CDK16: variants seen among roughly 807,000 people sequenced by gnomAD.
CDK16 encodes the protein cyclin-dependent kinase 16.
A neutral mutation model predicts 41.6 loss-of-function variants in CDK16; 2 were observed. The ratio of observed to expected loss-of-function variants is 0.05; its 90% confidence interval spans 0.02 to 0.15. CDK16 has a LOEUF of 0.15. CDK16 is among the 10% of genes least tolerant of loss of function. The pLI, the probability that CDK16 is intolerant of heterozygous loss-of-function variation, is 1.00. For synonymous variants in CDK16, 169 were observed against 169.7 expected (o/e 1.00, Z 0.03); for missense variants, 228 against 428.9 (o/e 0.53, Z 4.14).
upstream of CDK16, chrX:47,218,453 T>C (rs904130371): frequency 3.9e-6 from 2 of 517,702 alleles, no homozygotes; most frequent in Admixed American, 8.6e-5. Context: ...TGAGACCGAG[T>C]AGGGGGAACG....
chrX:47,224,658 T>G lies in CDK16; in HGVS notation c.377T>G (p.Leu126Arg). Residue 126 changes from leucine to arginine, a missense_variant, in exon 4 of 16, where the codon CTG becomes CGG. Physicochemically the swap from Leu to Arg is moderately radical, Grantham distance 102. Around this residue, in one of 3 missense-constraint regions of CDK16, gnomAD observed 66 missense variants for 197.2 expected, o/e 0.33. Transcript: ENST00000357227. Reference protein sequence around the residue: ...KRLSLPADIRLPEGYLEKLTL... With the variant: ...KRLSLPADIRRPEGYLEKLTL... The stretch of plus-strand genomic sequence containing the variant: ...CTATCACTACCAGCTGACATCCGGC[T>G]GCCTGAGGGCTACCTGGAGAAGCTG... 1 of 1,211,780 alleles carries G rather than the reference T, an allele frequency of 8.3e-7. No homozygotes were observed. Among genetic ancestry groups the G allele is most frequent in the Non-Finnish European group, 1.1e-6 (1 of 895,467 alleles).
In CDK16 at chrX:47,219,050, C is replaced by G; in HGVS notation, c.-62C>G. Reference sequence around the variant, plus strand: ...GCGCGGCCTCATCCCGGGCCGCCGCCCCAGGCGCCGCCGCGCCGGCCCCGC... The same window carrying G: ...GCGCGGCCTCATCCCGGGCCGCCGCGCCAGGCGCCGCCGCGCCGGCCCCGC... On this transcript the variant is annotated 5_prime_UTR_variant, in exon 1 of 16. Transcript: ENST00000357227. 1.2e-6 allele frequency: 1 copy of G among 823,191 alleles called. No homozygotes were observed. The highest frequency in any genetic ancestry group is 1.5e-6 in the Non-Finnish European group (1 of 685,701). The allele number at this position is 823,191 out of a possible 1,213,427, so 67.8% of individuals were successfully genotyped here.
intron 1 of CDK16, chrX:47,223,156 C>G (rs1260639267): frequency 8.7e-7 from 1 of 1,155,416 alleles, no homozygotes; most frequent in African/African-American, 1.8e-5. Context: ...GGGCACACGC[C>G]CTGGCCGACC....
rs1937189822 is a variant in CDK16, at chrX:47,218,760, C to T, written c.-352C>T. Reference sequence around the variant, plus strand: ...GCGGTTGGGCCGTTGGCTGTTCGGCCCTGGGATCCGCCGCCACTCCGCGAT... The same window carrying T: ...GCGGTTGGGCCGTTGGCTGTTCGGCTCTGGGATCCGCCGCCACTCCGCGAT... On this transcript the variant is annotated 5_prime_UTR_variant, in exon 1 of 16. Transcript: ENST00000357227. The T allele has an allele frequency of 8.6e-7, 1 of 1,158,003 alleles. No homozygotes were observed. The highest frequency in any genetic ancestry group is 1.1e-6 in the Non-Finnish European group (1 of 870,739).
In CDK16 at chrX:47,227,164, CTT is replaced by C. The variant is rs767367741; in HGVS notation, c.1242-15_1242-14del. ...TCCAAACTCATTTTAAATCAGGTCT[CTT>C]TGTCCTTGTGGCAGACTTGATAGCG... On this transcript the variant is annotated splice_polypyrimidine_tract_variant and intron_variant, in intron 12 of 15. Transcript: ENST00000357227. 3 of 1,208,190 alleles carry C rather than the reference CTT, an allele frequency of 2.5e-6. No individual in the cohort carries two copies. The African/African-American group carries it at 5.3e-5, about 21-fold the overall frequency.
intron 6 of CDK16, among the ~76,000 whole-genome samples, chrX:47,225,560 C>T (rs1425040722): frequency 1.8e-5 from 2 of 111,755 alleles, no homozygotes; most frequent in African/African-American, 6.5e-5. Context: ...TCCATACTCT[C>T]CTCTGAGTCT....
intron 13 of CDK16, 67 bp downstream of exon 13, chrX:47,227,290 C>CA: frequency 8.9e-7 from 1 of 1,119,045 alleles, no homozygotes; most frequent in East Asian, 3.0e-5. Flanking sequence ...GGACCCCCCC[C>CA]CTCAAACCAG....
rs1464469457 is a variant in CDK16 at position 47,218,785 on chromosome X, T to G, written c.-327T>G. 1 of 1,151,164 alleles carries G rather than the reference T, an allele frequency of 8.7e-7. No homozygotes were observed. Among genetic ancestry groups the G allele is most frequent in the East Asian group, 3.3e-5 (1 of 30,304 alleles). 94.9% of individuals were successfully genotyped at this position (1,151,164 alleles called of 1,213,427 possible). On this transcript the variant is annotated 5_prime_UTR_variant, in exon 1 of 16. Coordinates refer to ENST00000357227, the MANE Select transcript of CDK16 (RefSeq NM_006201.5). ...CCTGGGATCCGCCGCCACTCCGCGA[T>G]CAGACCGCTCTGTGCCGCGAGCCGC...
Position 47,223,579 on chromosome X carries a change from A to G in CDK16, c.22A>G (p.Lys8Glu). 1 of 1,211,676 alleles carries G rather than the reference A, an allele frequency of 8.3e-7. No individual in the cohort carries two copies. ...CGCCATGGATCGGATGAAGAAGATC[A>G]AACGGCAGCTGTCAATGACACTCCG... MDRMKKI[K>E]RQLSMTLRGG... The change falls in exon 2 of 16, where the codon AAA (lysine) becomes GAA (glutamate). Residue 8 changes from lysine (K) to glutamate (E), a missense_variant. Lys to Glu is a moderately conservative substitution (Grantham distance 56). Coordinates refer to ENST00000357227, the MANE Select transcript of CDK16 (RefSeq NM_006201.5).
chrX:47,219,128 G>T (rs782264586), intron 1 of CDK16, 23 bp downstream of exon 1: 1 of 803,182 alleles, frequency 1.2e-6, no homozygotes, highest in South Asian at 4.3e-5. Context: ...CCGAGGCGTG[G>T]AGGCTGCCCC....
intron 1 of CDK16, 93 bp from the exon 2 acceptor site, chrX:47,223,459 A>T: frequency 1.3e-5 from 13 of 1,016,384 alleles, no homozygotes; most frequent in Non-Finnish European, 1.1e-5. Context: ...AGTTCATGTC[A>T]GTGCCCCCTG....
At chrX:47,222,693 TA>T (rs1161992179) in intron 1 of CDK16, among the ~76,000 whole-genome samples, 1 of 103,949 alleles carries the variant, frequency 9.6e-6, no homozygotes, top group Non-Finnish European at 2.0e-5. Flanking sequence ...CAAGAGGCAA[TA>T]GGGGCAAATG....
At position 47,226,374 on chromosome X, in the gene CDK16, G is replaced by C; in HGVS notation, c.888G>C (p.Glu296Asp). Reference protein sequence around the residue: ...DLKPQNLLINERGELKLADFG... With the variant: ...DLKPQNLLINDRGELKLADFG... The stretch of plus-strand genomic sequence containing the variant: ...AGCCCCAGAACCTGCTCATCAACGA[G>C]AGGGGAGAGCTCAAGCTGGCTGACT... Residue 296 changes from glutamate to aspartate, a missense_variant, in exon 9 of 16, where the codon GAG becomes GAC. By Grantham distance (45) the Glu-to-Asp change is conservative. Coordinates refer to ENST00000357227, the MANE Select transcript of CDK16 (RefSeq NM_006201.5). The C allele has an allele frequency of 8.3e-7, 1 of 1,210,240 alleles. No individual in the cohort carries two copies.
intron 5 of CDK16, 22 bp from the exon 6 acceptor site, chrX:47,224,966 G>C (rs755698772): frequency 1.1e-5 from 13 of 1,200,568 alleles, no homozygotes; most frequent in Non-Finnish European, 1.4e-5. Context: ...CACCTCTCCT[G>C]TCACACTTCC....
At chrX:47,226,217 C>T in intron 8 of CDK16, 62 bp from the exon 9 acceptor site, 2 of 1,197,459 alleles carry the variant, frequency 1.7e-6, no homozygotes, top group Non-Finnish European at 2.3e-6. Context: ...GGGAGCAGTG[C>T]CTGCTGGGGG....
chrX:47,226,239 G>T, intron 8 of CDK16, 40 bp from the exon 9 acceptor site: 1 of 1,208,504 alleles, frequency 8.3e-7, no homozygotes, highest in Non-Finnish European at 1.1e-6. Context: ...CGGGCTAGTG[G>T]ATAGTCTTTG....
Position 47,218,761 on chromosome X carries a change from C to G in CDK16, c.-351C>G, listed in dbSNP as rs1386022901. ...CGGTTGGGCCGTTGGCTGTTCGGCC[C>G]TGGGATCCGCCGCCACTCCGCGATC... On this transcript the variant is annotated 5_prime_UTR_variant, in exon 1 of 16. Transcript: ENST00000357227. 2 of 1,155,466 alleles carry G rather than the reference C, an allele frequency of 1.7e-6. No individual in the cohort carries two copies. Among genetic ancestry groups the G allele is most frequent in the African/African-American group, 1.8e-5 (1 of 55,491 alleles).
intron 8 of CDK16, 78 bp downstream of exon 8, chrX:47,226,105 AC>A: frequency 8.8e-7 from 1 of 1,133,606 alleles, no homozygotes; most frequent in Non-Finnish European, 1.2e-6. Context: ...CCAGAAACGG[AC>A]TTTTCCCTTT....
At position 47,218,840 on chromosome X, in the gene CDK16, A is replaced by G. The variant is rs1387065533; in HGVS notation, c.-272A>G. ...AGCACTCGGATTCAAGCCGGCGCCAACGAGTCCGGGGGCATCGCCCGCAGC... is the reference window on the plus strand; with the variant it reads ...AGCACTCGGATTCAAGCCGGCGCCAGCGAGTCCGGGGGCATCGCCCGCAGC... On this transcript the variant is annotated 5_prime_UTR_variant, in exon 1 of 16. Coordinates refer to ENST00000357227, the MANE Select transcript of CDK16 (RefSeq NM_006201.5). 6.2e-6 allele frequency: 7 copies of G among 1,135,608 alleles called. No individual in the cohort carries two copies. The highest frequency in any genetic ancestry group is 2.7e-5 in the Admixed American group (1 of 37,727). 93.6% of individuals were successfully genotyped at this position (1,135,608 alleles called of 1,213,427 possible).
Sources: gnomAD v4.1 joint callset for allele counts (sites outside exome capture counted in the v4.1 genomes callset) on GRCh38, gnomAD v4.1.1 for gene constraint, gnomAD v4.1.1 regional missense constraint, MANE v1.5 for transcripts, NCBI Gene and HGNC (gene_info 2026-07-23, HGNC 2026-07-21) for gene names.